The following MYOT variants were observed in gnomAD, a reference collection of about 807,000 sequenced individuals.
MYOT encodes the protein myotilin, also known as 57 kDa cytoskeletal protein.
A neutral mutation model predicts 58.0 loss-of-function variants in MYOT; 36 were observed. The ratio of observed to expected loss-of-function variants is 0.62; its 90% confidence interval spans 0.48 to 0.82. The LOEUF (loss-of-function observed/expected upper bound fraction) is 0.82, where lower values mean the gene tolerates loss of function less well. Ranked by LOEUF, MYOT falls within the 40% of genes least tolerant of loss-of-function variation. The probability of loss-of-function intolerance (pLI) is 0.00; values close to 1 mark genes in which losing one functional copy is unlikely to be tolerated. For missense variants in MYOT, 505 were observed against 592.1 expected (o/e 0.85, Z 1.53); for synonymous variants, 218 against 204.6 (o/e 1.07, Z -0.56).
chr5:137,887,067 C>G, intron 9 of MYOT, 70 bp downstream of exon 9: 1 of 1,564,576 alleles, frequency 6.4e-7, no homozygotes, highest in South Asian at 1.1e-5. Context: ...AATGAAAATC[C>G]CAGCAGAGTA....
chr5:137,875,648 G>T (rs954547993), intron 2 of MYOT, among the ~76,000 whole-genome samples, 181 bp from the exon 3 acceptor site: 5 of 151,388 alleles, frequency 3.3e-5, no homozygotes, highest in Non-Finnish European at 5.9e-5. Context: ...ATTTCCATTT[G>T]CCAAAAGGAA....
At chr5:137,879,350 G>A (rs1580858379) in intron 4 of MYOT, among the ~76,000 whole-genome samples, 1 of 152,052 alleles carries the variant, frequency 6.6e-6, no homozygotes, top group African/African-American at 2.4e-5. Context: ...ATTTATTTTT[G>A]GCTACTAAAC....
intron 6 of MYOT, chr5:137,883,075 A>G (rs2149987676): frequency 3.0e-6 from 1 of 333,598 alleles, no homozygotes; most frequent in South Asian, 2.8e-5. Context: ...AATGACTTCT[A>G]TATTCCTTAT....
chr5:137,870,026 T>C (rs1325705275), intron 1 of MYOT, among the ~76,000 whole-genome samples: 1 of 149,736 alleles, frequency 6.7e-6, no homozygotes, highest in Non-Finnish European at 1.5e-5. Context: ...CGGGGGCTCA[T>C]ACCTGTAACT....
At chr5:137,877,693 T>A in intron 4 of MYOT, 72 bp downstream of exon 4, 1 of 1,080,160 alleles carries the variant, frequency 9.3e-7, no homozygotes. Context: ...TCTAAATGCT[T>A]ATAAATAGCA....
intron 3 of MYOT, 94 bp from the exon 4 acceptor site, chr5:137,877,426 C>A: frequency 4.6e-6 from 3 of 657,534 alleles, no homozygotes; most frequent in East Asian, 3.3e-5. Context: ...AACTATGCTT[C>A]TTTGAAGTTC....
Position 137,882,034 on chromosome 5 carries a change from C to A in MYOT, c.745C>A (p.Pro249Thr), listed in dbSNP as rs1755452381. ...GGATGCAATCCAGGAGAAATTTTAC[C>A]CACCACGTTTCATTCAAGTGCCAGA... ...DQDAIQEKFY[P>T]PRFIQVPENM... The change falls in exon 6 of 10, where the codon CCA becomes ACA. Residue 249 changes from proline to threonine, a missense_variant. Transcript: ENST00000239926. 1 of 1,613,806 alleles carries A rather than the reference C, an allele frequency of 6.2e-7. No individual in the cohort carries two copies. Among genetic ancestry groups the A allele is most frequent in the African/African-American group, 1.3e-5 (1 of 74,898 alleles).
chr5:137,882,014 C>T lies in MYOT; in HGVS notation c.725C>T (p.Ala242Val), dbSNP rs1580862369. 1 of 1,613,906 alleles carries T rather than the reference C, an allele frequency of 6.2e-7. No individual in the cohort carries two copies. The highest frequency in any genetic ancestry group is 8.5e-7 in the Non-Finnish European group (1 of 1,179,770). Residue 242 changes from alanine to valine, a missense_variant, in exon 6 of 10, where the codon GCA (alanine) becomes GTA (valine). Transcript: ENST00000239926. ...TSRGDVNDQD[A>V]IQEKFYPPRF... ...AGGGGAGATGTGAATGATCAGGATGCAATCCAGGAGAAATTTTACCCACCA... is the reference window on the plus strand; with the variant it reads ...AGGGGAGATGTGAATGATCAGGATGTAATCCAGGAGAAATTTTACCCACCA...
chr5:137,875,924 A>G lies in MYOT; in HGVS notation c.452A>G (p.Gln151Arg). ...CCAAGAACTCCTGATCATGAAATAC[A>G]AGGATCAAAAGAAGCTTTGATTCAA... ...PIPRTPDHEI[Q>R]GSKEALIQDL... The change falls in exon 3 of 10, where the codon CAA (glutamine) becomes CGA (arginine). Residue 151 changes from glutamine (Q) to arginine (R), a missense_variant. Gln to Arg is a conservative substitution (Grantham distance 43). Transcript: ENST00000239926. 1 of 1,614,066 alleles carries G rather than the reference A, an allele frequency of 6.2e-7. No individual in the cohort carries two copies. Among genetic ancestry groups the G allele is most frequent in the Non-Finnish European group, 8.5e-7 (1 of 1,179,922 alleles).
At chr5:137,871,593 G>A (rs73790076) in intron 2 of MYOT, among the ~76,000 whole-genome samples, 4,022 of 152,276 alleles carry the variant, frequency 0.026, 160 homozygotes, top group African/African-American at 0.087. Flanking sequence ...TCAGAAGAAG[G>A]AAGGCCTGAA....
intron 1 of MYOT, among the ~76,000 whole-genome samples, chr5:137,868,861 C>T (rs1284576921): frequency 2.0e-5 from 3 of 152,112 alleles, no homozygotes; most frequent in East Asian, 3.8e-4. Context: ...TTTTCCCCAA[C>T]AATTTAAATG....
intron 6 of MYOT, chr5:137,882,842 C>T: frequency 6.4e-6 from 1 of 155,286 alleles, no homozygotes; most frequent in Non-Finnish European, 1.4e-5. Context: ...AGAACTTTTC[C>T]TTATAAAATT....
At chr5:137,883,358 C>T (rs1203432709) in intron 6 of MYOT, 26 bp from the exon 7 acceptor site, 1 of 1,587,016 alleles carries the variant, frequency 6.3e-7, no homozygotes, top group Admixed American at 1.7e-5. Flanking sequence ...TAAAATTCTG[C>T]CATCTCCTTG....
At position 137,886,386 on chromosome 5, in the gene MYOT, C is replaced by A. The variant is rs140121340; in HGVS notation, c.1190+173C>A. 1.3e-3 allele frequency among the ~76,000 whole-genome samples: 198 copies of A among 151,916 alleles called. 4 individuals carry two copies. Among genetic ancestry groups the A allele is most frequent in the Middle Eastern group, 0.01 (3 of 292 alleles). On this transcript the variant is annotated intron_variant, in intron 8 of 9. Coordinates refer to ENST00000239926, the MANE Select transcript of MYOT (RefSeq NM_006790.3). ...AAAAATGTAAGAAAACTTCAGTAAG[C>A]CAGATTCCACTAATCAGAAATGTAA...
At chr5:137,884,643 GA>G (rs1302222176) in intron 7 of MYOT, among the ~76,000 whole-genome samples, 1 of 151,982 alleles carries the variant, frequency 6.6e-6, no homozygotes, top group Non-Finnish European at 1.5e-5. Flanking sequence ...ACACACAAAG[GA>G]AGTGTTCATT....
chr5:137,878,978 CCAAATGT>C (rs1217811829), intron 4 of MYOT, among the ~76,000 whole-genome samples: 3 of 152,192 alleles, frequency 2.0e-5, no homozygotes, highest in African/African-American at 7.2e-5. Context: ...TTCCTAGCTT[CCAAATGT>C]AGAAAACTGA....
chr5:137,876,687 C>T (rs940171495), intron 3 of MYOT, among the ~76,000 whole-genome samples: 1 of 152,122 alleles, frequency 6.6e-6, no homozygotes, highest in Non-Finnish European at 1.5e-5. Flanking sequence ...ACCTGTAGTT[C>T]CAGCTACTTA....
chr5:137,878,207 C>A (rs1036947400), intron 4 of MYOT, among the ~76,000 whole-genome samples: 1 of 151,086 alleles, frequency 6.6e-6, no homozygotes, highest in Non-Finnish European at 1.5e-5. Context: ...AGGTTTGCAC[C>A]TGATCGATTT....
chr5:137,873,028 T>C (rs1391447415), intron 2 of MYOT, among the ~76,000 whole-genome samples: 1 of 152,182 alleles, frequency 6.6e-6, no homozygotes, highest in Admixed American at 6.5e-5. Context: ...AAACTGGGAA[T>C]AATGAGAGTA....
Sources: allele counts gnomAD v4.1 joint callset (sites outside exome capture counted in the v4.1 genomes callset), GRCh38; gene constraint gnomAD v4.1.1; transcripts MANE v1.5; gene names NCBI Gene and HGNC (gene_info 2026-07-23, HGNC 2026-07-21).